ITGA11: variants seen among roughly 807,000 people sequenced by gnomAD.
ITGA11 encodes integrin alpha-11.
A neutral mutation model predicts 141.9 loss-of-function variants in ITGA11; 97 were observed. The ratio of observed to expected loss-of-function variants is 0.68; its 90% CI spans 0.58 to 0.81. The LOEUF is 0.81. ITGA11 is among the 30% of genes least tolerant of loss of function. The probability of loss-of-function intolerance (pLI) is 0.00; values close to 1 mark genes in which losing one functional copy is unlikely to be tolerated. For synonymous variants in ITGA11, 658 were observed against 624.6 expected (o/e 1.05, Z -0.80); for missense variants, 1,387 against 1,559.2 (o/e 0.89, Z 1.86).
At chr15:68,418,859 T>G (rs1016190638) in intron 1 of ITGA11, among the ~76,000 whole-genome samples, 1 of 151,584 alleles carries the variant, frequency 6.6e-6, no homozygotes, top group African/African-American at 2.4e-5. Flanking sequence ...GCCCTGTGCA[T>G]GTGGGATGAG....
Position 68,313,863 on chromosome 15 carries a change from C to G in ITGA11, c.2798G>C (p.Ser933Thr), listed in dbSNP as rs570517606. 7 of 1,613,674 alleles carry G rather than the reference C, an allele frequency of 4.3e-6. No individual in the cohort carries two copies. Among genetic ancestry groups the G allele is most frequent in the Non-Finnish European group, 5.9e-6 (7 of 1,179,702 alleles). The part of the protein sequence containing the change: ...LEIELAAGSD[S>T]NERDSTKEDN... ...TTCCTTGGTGCTGTCCCGCTCATTA[C>G]TGTCACTGCAAGGAGAGCCAGGCGG... The change falls in exon 23 of 30, where the codon AGT becomes ACT. Residue 933 changes from serine to threonine, a missense_variant. Coordinates refer to ENST00000315757, the MANE Select transcript of ITGA11 (RefSeq NM_001004439.2).
chr15:68,321,655 C>T lies in ITGA11; in HGVS notation c.2323-152G>A, dbSNP rs1184059306. 6.6e-6 allele frequency among the ~76,000 whole-genome samples: 1 copy of T among 152,188 alleles called. No homozygotes were observed. Among genetic ancestry groups the T allele is most frequent in the African/African-American group, 2.4e-5 (1 of 41,436 alleles). Reference sequence around the variant, plus strand: ...CACACTGCTCTGTCTTGTGCTTTTCCATAGATGCTTCCCTCTTTAAAACGA... The same window carrying T: ...CACACTGCTCTGTCTTGTGCTTTTCTATAGATGCTTCCCTCTTTAAAACGA... On this transcript the variant is annotated intron_variant, in intron 18 of 29. Coordinates refer to ENST00000315757, the MANE Select transcript of ITGA11 (RefSeq NM_001004439.2). The surrounding 1 kb of genome is among the most constrained non-coding windows in gnomAD (Gnocchi z 4.9).
chr15:68,363,926 T>C (rs1895335645), intron 4 of ITGA11, among the ~76,000 whole-genome samples: 1 of 152,136 alleles, frequency 6.6e-6, no homozygotes, highest in Non-Finnish European at 1.5e-5. Flanking sequence ...CAAAGTCCTA[T>C]TAGACATTAC....
At chr15:68,383,457 A>G (rs1567152126) in intron 2 of ITGA11, among the ~76,000 whole-genome samples, 1 of 152,220 alleles carries the variant, frequency 6.6e-6, no homozygotes, top group East Asian at 1.9e-4. Flanking sequence ...TTCTAATTGT[A>G]TATAACCTTA....
intron 2 of ITGA11, among the ~76,000 whole-genome samples, chr15:68,400,034 G>A (rs879602262): frequency 1.3e-5 from 2 of 152,150 alleles, no homozygotes; most frequent in Non-Finnish European, 2.9e-5. Flanking sequence ...TAAAGCTGCA[G>A]TAACCAAAGC....
rs774539684 is a variant in ITGA11 at position 68,320,240 on chromosome 15, G to A, written c.2561C>T (p.Thr854Met). ...TGCTGACTGCGAGATATTTAGGACC[G>A]TGCTGTAGGCGTTCTCGCCCCTGTT... ...LENRGENAYS[T>M]VLNISQSANL... is the part of the protein sequence containing the mutation. Residue 854 changes from threonine to methionine, a missense_variant, in exon 20 of 30, where the codon ACG (threonine) becomes ATG (methionine). Physicochemically the swap from Thr to Met is moderately conservative, Grantham distance 81 (BLOSUM62 -1). Coordinates refer to ENST00000315757, the MANE Select transcript of ITGA11 (RefSeq NM_001004439.2). 37 of 1,613,950 alleles carry A rather than the reference G, an allele frequency of 2.3e-5. No homozygotes were observed. Among genetic ancestry groups the A allele is most frequent in the Non-Finnish European group, 2.7e-5 (32 of 1,179,912 alleles).
chr15:68,423,919 C>G (rs1020827295), intron 1 of ITGA11, among the ~76,000 whole-genome samples: 7 of 152,142 alleles, frequency 4.6e-5, no homozygotes, highest in Non-Finnish European at 1.0e-4. Context: ...CAGCAGGGCC[C>G]AAGATCACAG....
At chr15:68,334,170 G>T (rs1440505659) in intron 12 of ITGA11, among the ~76,000 whole-genome samples, 1 of 152,248 alleles carries the variant, frequency 6.6e-6, no homozygotes, top group Non-Finnish European at 1.5e-5. Context: ...CTCTTGGCCA[G>T]GGTACTTTGC....
rs535010965 is a variant in ITGA11 at position 68,302,522 on chromosome 15, C to A, written c.*537G>T. ...AGCCCTTGCTCTTGGGTTCATTCTT[C>A]GGGAGCCCCAGGGGCCTATCTATGG... On this transcript the variant is annotated 3_prime_UTR_variant, in exon 30 of 30. Coordinates refer to ENST00000315757, the MANE Select transcript of ITGA11 (RefSeq NM_001004439.2). 1 of 152,692 alleles carries A rather than the reference C, an allele frequency of 6.5e-6. No individual in the cohort carries two copies. The highest frequency in any genetic ancestry group is 2.1e-4 in the South Asian group (1 of 4,834). 9.5% of individuals were successfully genotyped at this position (152,692 alleles called of 1,614,324 possible). A position where few individuals can be genotyped will look rare whatever the true frequency, so the allele number is the denominator to read the frequency against.
intron 19 of ITGA11, among the ~76,000 whole-genome samples, chr15:68,320,618 T>C (rs1023625677): frequency 6.6e-6 from 1 of 152,134 alleles, no homozygotes; most frequent in East Asian, 1.9e-4. Context: ...ACCATAGAGA[T>C]CATACCCTCC....
At chr15:68,419,486 G>A (rs1017614159) in intron 1 of ITGA11, among the ~76,000 whole-genome samples, 5 of 152,160 alleles carry the variant, frequency 3.3e-5, no homozygotes, top group African/African-American at 9.7e-5. Flanking sequence ...GAGAACCCCT[G>A]AGGCCCAGGA....
Position 68,303,657 on chromosome 15 carries a change from G to A in ITGA11, c.3495+115C>T, listed in dbSNP as rs978176913. 24 of 657,980 alleles carry A rather than the reference G, an allele frequency of 3.6e-5. No individual in the cohort carries two copies. The African/African-American group carries it at 4.0e-4, about 11-fold the overall frequency. The allele number at this position is 657,980 out of a possible 1,614,324, so 40.8% of individuals were successfully genotyped here. The stretch of plus-strand genomic sequence containing the variant: ...AGTGTGTCTGCTATGGCGAGGGGTG[G>A]GGTGCCAGCTCCCCTGGAGAGGAGA... On this transcript the variant is annotated intron_variant, in intron 29 of 29. Transcript: ENST00000315757. The surrounding 1 kb of genome is among the most constrained non-coding windows in gnomAD (Gnocchi z 5.3).
chr15:68,404,872 T>C (rs1477578306), intron 1 of ITGA11, among the ~76,000 whole-genome samples: 1 of 152,194 alleles, frequency 6.6e-6, no homozygotes, highest in Non-Finnish European at 1.5e-5. Context: ...CTTTCACATG[T>C]GGGATACTTA....
At chr15:68,406,420 C>T (rs192594199) in intron 1 of ITGA11, among the ~76,000 whole-genome samples, 19 of 152,276 alleles carry the variant, frequency 1.2e-4, no homozygotes, top group African/African-American at 4.6e-4. Flanking sequence ...GTTCTCTGCT[C>T]AGCATCTTTG....
intron 25 of ITGA11, 47 bp downstream of exon 25, chr15:68,311,243 T>A: frequency 3.6e-6 from 5 of 1,372,338 alleles, no homozygotes; most frequent in Non-Finnish European, 5.1e-6. Flanking sequence ...GGAGTGTCTG[T>A]CTCCTTCTGG....
chr15:68,324,169 G>A lies in ITGA11; in HGVS notation c.2322+962C>T, dbSNP rs1391355456. ...AGGTGTGAGGACGGAGGTTTGGCAG[G>A]GGACTGTGGGAGGCCTGGGGAGAGG... On this transcript the variant is annotated intron_variant, in intron 18 of 29. Coordinates refer to ENST00000315757, the MANE Select transcript of ITGA11 (RefSeq NM_001004439.2). This position sits in a 1 kb window ranked among gnomAD's most constrained non-coding sequence, Gnocchi z 6.3. 6.6e-6 allele frequency among the ~76,000 whole-genome samples: 1 copy of A among 152,066 alleles called. No homozygotes were observed. Among genetic ancestry groups the A allele is most frequent in the East Asian group, 1.9e-4 (1 of 5,186 alleles).
At position 68,322,002 on chromosome 15, in the gene ITGA11, G is replaced by A. The variant is rs1893830248; in HGVS notation, c.2323-499C>T. 6.6e-6 allele frequency among the ~76,000 whole-genome samples: 1 copy of A among 152,220 alleles called. No individual in the cohort carries two copies. On this transcript the variant is annotated intron_variant, in intron 18 of 29. Transcript: ENST00000315757. This position sits in a 1 kb window ranked among gnomAD's most constrained non-coding sequence, Gnocchi z 5.6. ...CCTGTAGGAAGTCAGGGAAGCCTTC[G>A]AGGAAGTGACAGGGGATCAGAGTTC...
intron 2 of ITGA11, among the ~76,000 whole-genome samples, chr15:68,382,641 C>A (rs777354578): frequency 6.6e-6 from 1 of 152,240 alleles, no homozygotes; most frequent in Non-Finnish European, 1.5e-5. Context: ...GGGTTCACAG[C>A]CTCCCTTCCC....
rs772906734 is a variant in ITGA11, at chr15:68,330,938, C to A, written c.1901+43G>T. 51 of 1,611,336 alleles carry A rather than the reference C, an allele frequency of 3.2e-5. 1 individual carries two copies. The South Asian group carries it at 5.2e-4, about 16-fold the overall frequency. On this transcript the variant is annotated intron_variant, in intron 15 of 29. Transcript: ENST00000315757. Reference sequence around the variant, plus strand: ...TTTAAAACCCCTGGATTCATTGTGACTTTCAGGAGAGCCCAGGAGGTGGGA... The same window carrying A: ...TTTAAAACCCCTGGATTCATTGTGAATTTCAGGAGAGCCCAGGAGGTGGGA...
Sources: allele counts gnomAD v4.1 joint callset (sites outside exome capture counted in the v4.1 genomes callset), GRCh38; gene constraint gnomAD v4.1.1; non-coding constraint Gnocchi (gnomAD v3.1); transcripts MANE v1.5; gene names NCBI Gene and HGNC (gene_info 2026-07-23, HGNC 2026-07-21).